ASAP1: variants seen among roughly 807,000 people sequenced by gnomAD.
ASAP1 encodes the protein ArfGAP with SH3 domain, ankyrin repeat and PH domain 1, also known as arf-GAP with SH3 domain, ANK repeat and PH domain-containing protein 1.
ASAP1 carries 43 observed loss-of-function variants against 145.2 expected under a neutral mutation model. That is an observed-to-expected ratio of 0.30 (90% CI 0.23 to 0.38). ASAP1 has a LOEUF of 0.38. Ranked by LOEUF, ASAP1 falls within the 10% of genes least tolerant of loss-of-function variation. The pLI is 1.00. For missense variants in ASAP1, 1,018 were observed against 1,355.3 expected, an observed-to-expected ratio of 0.75 and a Z score of 3.91; for synonymous variants, 546 against 515.5, an observed-to-expected ratio of 1.06 and a Z score of -0.80.
At chr8:130,311,112 A>G (rs1350985627) in intron 3 of ASAP1, among the ~76,000 whole-genome samples, 1 of 152,214 alleles carries the variant, frequency 6.6e-6, no homozygotes, top group Non-Finnish European at 1.5e-5. Context: ...TGCAAAAGGA[A>G]CAAATTGCAG....
At chr8:130,088,241 CT>C in intron 25 of ASAP1, among the ~76,000 whole-genome samples, 1 of 152,300 alleles carries the variant, frequency 6.6e-6, no homozygotes, top group African/African-American at 2.4e-5. Context: ...AGCGATTCTC[CT>C]GTCTTAGCCT....
chr8:130,371,018 G>A (rs998457039), intron 2 of ASAP1, among the ~76,000 whole-genome samples: 1 of 152,130 alleles, frequency 6.6e-6, no homozygotes. Context: ...CCACTGAATT[G>A]TATATCTTAA....
chr8:130,153,661 A>T (rs1228454291), intron 12 of ASAP1, among the ~76,000 whole-genome samples: 1 of 151,906 alleles, frequency 6.6e-6, no homozygotes, highest in Non-Finnish European at 1.5e-5. Flanking sequence ...AGCCACTGTG[A>T]CTGGCCGTGG....
intron 1 of ASAP1, among the ~76,000 whole-genome samples, chr8:130,423,296 T>C (rs1214220025): frequency 6.6e-6 from 1 of 152,208 alleles, no homozygotes; most frequent in Non-Finnish European, 1.5e-5. Flanking sequence ...CATTTATCTT[T>C]AGTCCATCAG....
At chr8:130,167,233 G>A (rs145560976) in intron 11 of ASAP1, among the ~76,000 whole-genome samples, 11 of 151,836 alleles carry the variant, frequency 7.2e-5, no homozygotes, top group African/African-American at 2.7e-4. Context: ...TCAAGGCTGC[G>A]ATGAGCCATA....
intron 25 of ASAP1, among the ~76,000 whole-genome samples, chr8:130,085,645 G>C (rs1371977119): frequency 1.3e-5 from 2 of 150,382 alleles, no homozygotes; most frequent in African/African-American, 4.9e-5. Context: ...TGAGATGGGA[G>C]GATCACTTGG....
At chr8:130,245,165 A>G (rs1206561941) in intron 3 of ASAP1, among the ~76,000 whole-genome samples, 1 of 152,188 alleles carries the variant, frequency 6.6e-6, no homozygotes, top group Non-Finnish European at 1.5e-5. Context: ...TGAGGCTGCC[A>G]TGAAGGGGAA....
intron 4 of ASAP1, among the ~76,000 whole-genome samples, chr8:130,218,519 T>C (rs1817075006): frequency 6.6e-6 from 1 of 152,094 alleles, no homozygotes; most frequent in Admixed American, 6.6e-5. Flanking sequence ...CATGCAAAGG[T>C]TAGAAAGAAT....
rs181581229 is a variant in ASAP1 at position 130,436,285 on chromosome 8, G to A, written c.-28+7175C>T. ...TTTGGAAGGCTGAGACAGGAGGTCC[G>A]CTTGAAACTAGGAGTTTGGTTTCTT... On this transcript the variant is annotated intron_variant, in intron 1 of 29. Transcript: ENST00000518721. Among the ~76,000 whole-genome samples, 118 of 152,182 alleles carry A rather than the reference G, an allele frequency of 7.8e-4. No homozygotes were observed. The East Asian group carries it at 0.012, about 15-fold the overall frequency.
chr8:130,158,086 G>A (rs576278769), intron 12 of ASAP1, among the ~76,000 whole-genome samples: 6 of 152,012 alleles, frequency 3.9e-5, no homozygotes, highest in Non-Finnish European at 8.8e-5. Context: ...AATGACCCCA[G>A]AAATTTAGAA....
chr8:130,070,174 C>G (rs570805741), intron 27 of ASAP1, among the ~76,000 whole-genome samples: 20 of 152,260 alleles, frequency 1.3e-4, no homozygotes, highest in African/African-American at 4.6e-4. Context: ...GTAGCTGGGA[C>G]TACAGGCGCC....
chr8:130,310,159 G>A (rs1353060527), intron 3 of ASAP1, among the ~76,000 whole-genome samples: 1 of 146,850 alleles, frequency 6.8e-6, no homozygotes, highest in African/African-American at 2.5e-5. Context: ...GGGGGGTGAG[G>A]GGAGGGGAGG....
chr8:130,300,113 TACACACACACACACACACACAC>T (rs373589102), intron 3 of ASAP1, among the ~76,000 whole-genome samples: 1 of 72,896 alleles, frequency 1.4e-5, no homozygotes, highest in Non-Finnish European at 2.4e-5. Flanking sequence ...AAAAGAAAAA[TACACACACACACACACACACAC>T]ACACACACAC....
intron 24 of ASAP1, among the ~76,000 whole-genome samples, chr8:130,105,429 A>G (rs2097535317): frequency 6.6e-6 from 1 of 152,200 alleles, no homozygotes; most frequent in Admixed American, 6.5e-5. Context: ...TGCTAAATTG[A>G]GCTAATTAAC....
intron 13 of ASAP1, among the ~76,000 whole-genome samples, chr8:130,146,245 A>G (rs1318682759): frequency 5.3e-5 from 8 of 151,996 alleles, no homozygotes; most frequent in Non-Finnish European, 2.9e-5. Context: ...TATACCTTCA[A>G]ATTTGTAAAT....
At chr8:130,329,620 T>A (rs375520435) in intron 3 of ASAP1, among the ~76,000 whole-genome samples, 1 of 152,204 alleles carries the variant, frequency 6.6e-6, no homozygotes, top group East Asian at 1.9e-4. Context: ...TACTGGCTCA[T>A]AATAAATGTC....
chr8:130,213,774 C>A (rs1252902481), intron 5 of ASAP1, among the ~76,000 whole-genome samples: 2 of 152,136 alleles, frequency 1.3e-5, no homozygotes, highest in African/African-American at 2.4e-5. Flanking sequence ...AATTTCATCC[C>A]CCAAAACCAA....
At chr8:130,202,623 C>A (rs889877343) in intron 5 of ASAP1, among the ~76,000 whole-genome samples, 9 of 152,162 alleles carry the variant, frequency 5.9e-5, no homozygotes, top group Non-Finnish European at 1.3e-4. Context: ...AAGAGAACAG[C>A]GTTTCATGAA....
At chr8:130,193,125 T>C (rs1310460004) in intron 5 of ASAP1, among the ~76,000 whole-genome samples, 2 of 152,140 alleles carry the variant, frequency 1.3e-5, no homozygotes, top group African/African-American at 2.4e-5. Context: ...TCCCAGCATT[T>C]TGGGAGGCCG....
Sources: gnomAD v4.1 joint callset for allele counts (sites outside exome capture counted in the v4.1 genomes callset) on GRCh38, gnomAD v4.1.1 for gene constraint, MANE v1.5 for transcripts, NCBI Gene and HGNC (gene_info 2026-07-23, HGNC 2026-07-21) for gene names.